Variants in NOM1 observed in about 807,000 individuals in gnomAD.
The protein encoded by NOM1 is nucleolar MIF4G domain-containing protein 1.
A neutral mutation model predicts 73.3 loss-of-function variants in NOM1; 58 were observed. The ratio of observed to expected loss-of-function variants is 0.79; its 90% CI spans 0.64 to 0.99. NOM1 has a LOEUF of 0.99. NOM1 is among the 50% of genes least tolerant of loss of function. The pLI is 0.00. For synonymous variants in NOM1, 487 were observed against 446.8 expected, an observed-to-expected ratio of 1.09 and a Z score of -1.14; for missense variants, 1,226 against 1,131.9, an observed-to-expected ratio of 1.08 and a Z score of -1.19.
At chr7:156,962,915 A>T (rs1804900413) in intron 5 of NOM1, 93 bp from the exon 6 acceptor site, 1 of 1,379,706 alleles carries the variant, frequency 7.2e-7, no homozygotes, top group East Asian at 2.5e-5. Flanking sequence ...ATGCACCAGA[A>T]ATGTCATGGT....
In NOM1 at chr7:156,957,793, A is replaced by G. The variant is rs55648825; in HGVS notation, c.1309-2058A>G. 1.6e-4 allele frequency among the ~76,000 whole-genome samples: 19 copies of G among 120,772 alleles called. 1 individual carries two copies. The highest frequency in any genetic ancestry group is 2.1e-4 in the African/African-American group (7 of 33,082). The allele number at this position is 120,772 out of a possible 152,430, so 79.2% of individuals were successfully genotyped here. A position where few individuals can be genotyped will look rare whatever the true frequency, so the allele number is the denominator to read the frequency against. ...CCGTCTCAAAAAAAAAAAAAAAAAAAAAAAAAAGAAAAAGAAAATATACAT... is the reference window on the plus strand; with the variant it reads ...CCGTCTCAAAAAAAAAAAAAAAAAAGAAAAAAAGAAAAAGAAAATATACAT... On this transcript the variant is annotated intron_variant, in intron 3 of 10. Transcript: ENST00000275820.
At chr7:156,952,325 CAATA>C in intron 1 of NOM1, 145 bp from the exon 2 acceptor site, 1 of 787,554 alleles carries the variant, frequency 1.3e-6, no homozygotes, top group Non-Finnish European at 2.0e-6. Flanking sequence ...ACTAAGCACT[CAATA>C]AATCTGATGT....
chr7:156,957,774 CAAAAAAAAAAA>C (rs10549596), intron 3 of NOM1, among the ~76,000 whole-genome samples: 3 of 115,570 alleles, frequency 2.6e-5, no homozygotes, highest in South Asian at 3.0e-4. Context: ...GACTCCGTCT[CAAAAAAAAAAA>C]AAAAAAAAAA....
chr7:156,964,335 GA>G (rs1348056689), intron 7 of NOM1: 1 of 174,120 alleles, frequency 5.7e-6, no homozygotes, highest in Non-Finnish European at 1.2e-5. Context: ...AGTTTTGACT[GA>G]AAGTATCTGA....
intron 9 of NOM1, among the ~76,000 whole-genome samples, chr7:156,968,038 T>C (rs968915577): frequency 6.6e-6 from 1 of 152,174 alleles, no homozygotes; most frequent in Admixed American, 6.5e-5. Flanking sequence ...TTTCTGTGTG[T>C]CGTGTGCAGT....
rs1404383040 is a variant in NOM1 at position 156,966,333 on chromosome 7, A to G, written c.2097A>G (p.Gln699=). The change falls in exon 8 of 11, where the codon CAA becomes CAG. Residue 699 remains glutamine, a synonymous_variant. Transcript: ENST00000275820. ...IIHVLMDCCL[Q]EKTYNPFYAF... is the part of the protein sequence containing the mutation. ...ACGTTCTCATGGATTGCTGCCTTCA[A>G]GAGAAAACTTACAATCCCTTCTATG... 6 of 1,614,218 alleles carry G rather than the reference A, an allele frequency of 3.7e-6. No individual in the cohort carries two copies. The highest frequency in any genetic ancestry group is 3.3e-4 in the Middle Eastern group (2 of 6,062).
chr7:156,970,382 G>A lies in NOM1; in HGVS notation c.*679G>A, dbSNP rs761618057. The A allele has an allele frequency of 6.6e-6, 1 of 152,062 alleles. No individual in the cohort carries two copies. The highest frequency in any genetic ancestry group is 1.5e-5 in the Non-Finnish European group (1 of 68,024). The allele number at this position is 152,062 out of a possible 1,614,324, so 9.4% of individuals were successfully genotyped here. A position where few individuals can be genotyped will look rare whatever the true frequency, so the allele number is the denominator to read the frequency against. ...AGGTTTTTACCTTTTTAAAATATTG[G>A]TTAGAAGTTCAAAAACCATCCCTTA... On this transcript the variant is annotated 3_prime_UTR_variant, in exon 11 of 11. Coordinates refer to ENST00000275820, the MANE Select transcript of NOM1 (RefSeq NM_138400.2).
rs1049647436 is a variant in NOM1, at chr7:156,973,128, A to G, written c.*3425A>G. ...ATCATTTTTAAAGGTATAAGGAACAAACTTTAATGTATTGAAATGCATAAA... is the reference window on the plus strand; with the variant it reads ...ATCATTTTTAAAGGTATAAGGAACAGACTTTAATGTATTGAAATGCATAAA... On this transcript the variant is annotated 3_prime_UTR_variant, in exon 11 of 11. Transcript: ENST00000275820. The G allele has an allele frequency of 1.3e-5, 2 of 152,202 alleles. No individual in the cohort carries two copies. The highest frequency in any genetic ancestry group is 6.5e-5 in the Admixed American group (1 of 15,280). 9.4% of individuals were successfully genotyped at this position (152,202 alleles called of 1,614,324 possible). A position where few individuals can be genotyped will look rare whatever the true frequency, so the allele number is the denominator to read the frequency against.
chr7:156,954,045 G>A (rs1804657839), intron 2 of NOM1, 58 bp from the exon 3 acceptor site: 8 of 1,466,694 alleles, frequency 5.5e-6, no homozygotes, highest in Non-Finnish European at 7.5e-6. Flanking sequence ...TTTTAAAATT[G>A]AACTGAAAAT....
intron 3 of NOM1, among the ~76,000 whole-genome samples, chr7:156,958,316 G>T (rs940187469): frequency 1.3e-5 from 2 of 152,192 alleles, no homozygotes; most frequent in Middle Eastern, 3.2e-3. Context: ...AGAAACCTGG[G>T]AGTCACAGAT....
At position 156,950,127 on chromosome 7, in the gene NOM1, C is replaced by T. The variant is rs763427036; in HGVS notation, c.390C>T (p.Ala130=). 10 of 1,561,498 alleles carry T rather than the reference C, an allele frequency of 6.4e-6. No homozygotes were observed. Among genetic ancestry groups the T allele is most frequent in the Admixed American group, 1.9e-5 (1 of 52,040 alleles). ...ACCGGCAGGACACGGAGGAGCGCGC[C>T]CGCCCAGCCCCTAGTCGGGACCCCT... ...SGHRQDTEER[A]RPAPSRDPSP... is the part of the protein sequence containing the mutation. The change falls in exon 1 of 11, where the codon GCC becomes GCT. Residue 130 remains alanine, a synonymous_variant. Transcript: ENST00000275820.
In NOM1 at chr7:156,963,972, T is replaced by C. The variant is rs1804934960; in HGVS notation, c.1979T>C (p.Phe660Ser). 6.2e-7 allele frequency: 1 copy of C among 1,613,992 alleles called. No homozygotes were observed. The highest frequency in any genetic ancestry group is 1.7e-5 in the Admixed American group (1 of 60,004). The change falls in exon 7 of 11, where the codon TTC (phenylalanine) becomes TCC (serine). Residue 660 changes from phenylalanine to serine, a missense_variant. Phe to Ser is a radical substitution (Grantham distance 155). Transcript: ENST00000275820. ...AACACAGACATCCGGAGAAACATAT[T>C]CTGCACAATAATGACAAGTGAAGAT... The part of the protein sequence containing the change: ...RMNTDIRRNI[F>S]CTIMTSEDFL...
intron 1 of NOM1, among the ~76,000 whole-genome samples, 166 bp from the exon 2 acceptor site, chr7:156,952,308 C>T (rs1488985685): frequency 1.3e-5 from 2 of 152,142 alleles, no homozygotes; most frequent in Non-Finnish European, 2.9e-5. Context: ...GGAATGTTTA[C>T]CCATATACTA....
At chr7:156,962,657 G>A (rs542818300) in intron 5 of NOM1, among the ~76,000 whole-genome samples, 7 of 152,148 alleles carry the variant, frequency 4.6e-5, no homozygotes, top group Non-Finnish European at 1.0e-4. Context: ...CCTCCCTGTT[G>A]GAGTGAGTCT....
rs745655788 is a variant in NOM1, at chr7:156,953,764, G to A, written c.1113-339G>A. On this transcript the variant is annotated intron_variant, in intron 2 of 10. Transcript: ENST00000275820. The stretch of plus-strand genomic sequence containing the variant: ...ACGTTAGCATTTTTTCTAACAACAC[G>A]TCCTAAGGCTGGACCCTGCCTATGG... Among the ~76,000 whole-genome samples the A allele has an allele frequency of 2.6e-5, 4 of 152,106 alleles. 1 individual carries two copies. The highest frequency in any genetic ancestry group is 2.0e-4 in the Admixed American group (3 of 15,274).
intron 7 of NOM1, chr7:156,964,321 G>A (rs1384039080): frequency 2.8e-5 from 5 of 176,876 alleles, no homozygotes; most frequent in Non-Finnish European, 5.8e-5. Context: ...GCTGGAGACT[G>A]GGGAGTTTTG....
In NOM1 at chr7:156,972,420, ATATTT is replaced by A. The variant is rs1395085942; in HGVS notation, c.*2722_*2726del. On this transcript the variant is annotated 3_prime_UTR_variant, in exon 11 of 11. Transcript: ENST00000275820. ...AATTTCTATAAACAATCCCATTTTT[ATATTT>A]TATTATTAAAACAAAAATACCTCTC... 4 of 151,812 alleles carry A rather than the reference ATATTT, an allele frequency of 2.6e-5. No individual in the cohort carries two copies. The highest frequency in any genetic ancestry group is 9.7e-5 in the African/African-American group (4 of 41,284). 9.4% of individuals were successfully genotyped at this position (151,812 alleles called of 1,614,324 possible).
rs1485131406 is a variant in NOM1 at position 156,969,636 on chromosome 7, A to G, written c.2516A>G (p.Asn839Ser). 3.7e-6 allele frequency: 6 copies of G among 1,613,934 alleles called. No individual in the cohort carries two copies. The African/African-American group carries it at 5.3e-5, about 14-fold the overall frequency. The change falls in exon 11 of 11, where the codon AAC becomes AGC. Residue 839 changes from asparagine to serine, a missense_variant. Physicochemically the swap from Asn to Ser is conservative, Grantham distance 46 (BLOSUM62 1). Transcript: ENST00000275820. The part of the protein sequence containing the change: ...AQAHRSADEA[N>S]VLREKADLAT... ...GCCCACAGAAGCGCCGACGAAGCCA[A>G]CGTGCTGAGAGAGAAAGCTGACCTT... is the stretch of plus-strand genomic sequence containing the variant.
In NOM1 at chr7:156,967,028, C is replaced by G; in HGVS notation, c.2234C>G (p.Ser745Cys). 1.2e-6 allele frequency: 2 copies of G among 1,613,938 alleles called. No homozygotes were observed. Among genetic ancestry groups the G allele is most frequent in the Non-Finnish European group, 1.7e-6 (2 of 1,180,010 alleles). ...DLENLPATNF[S>C]NLVHLVAHLL... ...GAAAACTTGCCAGCTACGAATTTCT[C>G]TAATTTGGTTCATCTGGTGGCCCAC... Residue 745 changes from serine (S) to cysteine (C), a missense_variant, in exon 9 of 11, where the codon TCT becomes TGT. Transcript: ENST00000275820.
Sources: gnomAD v4.1 joint callset for allele counts (sites outside exome capture counted in the v4.1 genomes callset) on GRCh38, gnomAD v4.1.1 for gene constraint, MANE v1.5 for transcripts, NCBI Gene and HGNC (gene_info 2026-07-23, HGNC 2026-07-21) for gene names.